NAALADL2: variants seen among roughly 807,000 people sequenced by gnomAD.
The protein encoded by NAALADL2 is N-acetylated alpha-linked acidic dipeptidase like 2.
NAALADL2 carries 76 observed loss-of-function variants against 87.2 expected under a neutral mutation model. The ratio of observed to expected loss-of-function variants is 0.87; its 90% CI spans 0.72 to 1.05. The LOEUF is 1.05. Among genes scored for constraint, NAALADL2 ranks in the 50% least tolerant of loss-of-function variants. The pLI, the probability that NAALADL2 is intolerant of heterozygous loss-of-function variation, is 0.00. For synonymous variants in NAALADL2, 354 were observed against 331.0 expected (o/e 1.07, Z -0.75); for missense variants, 1,089 against 945.8 (o/e 1.15, Z -1.99).
At chr3:174,997,275 A>G (rs558588465) in intron 1 of NAALADL2, among the ~76,000 whole-genome samples, 1 of 152,152 alleles carries the variant, frequency 6.6e-6, no homozygotes, top group East Asian at 1.9e-4. Flanking sequence ...TAGTGGTACT[A>G]ATTTACATTC....
At chr3:174,701,434 A>G (rs146061839) in intron 2 of NAALADL2, among the ~76,000 whole-genome samples, 5 of 152,146 alleles carry the variant, frequency 3.3e-5, no homozygotes, top group Non-Finnish European at 5.9e-5. Context: ...TCATTAGGCT[A>G]TCTTTTTGAA....
At chr3:174,713,333 T>G (rs1357303054) in intron 2 of NAALADL2, among the ~76,000 whole-genome samples, 1 of 152,164 alleles carries the variant, frequency 6.6e-6, no homozygotes, top group Non-Finnish European at 1.5e-5. Flanking sequence ...ATGGGATTGG[T>G]GGGTCAAATG....
In NAALADL2 at chr3:175,203,053, C is replaced by T. The variant is rs146495592; in HGVS notation, c.546-30878C>T. ...CTTTAGAACTTGCCCCAGGCTACCA[C>T]CTCCTAGCTGCAAAAGAAAAAGGCT... On this transcript the variant is annotated intron_variant, in intron 2 of 13. Coordinates refer to ENST00000454872, the MANE Select transcript of NAALADL2 (RefSeq NM_207015.3). 5.3e-5 allele frequency among the ~76,000 whole-genome samples: 8 copies of T among 152,242 alleles called. No homozygotes were observed. In the East Asian group the frequency reaches 1.6e-3, roughly 30 times the overall value.
chr3:175,749,825 G>A (rs1746405918), intron 12 of NAALADL2, among the ~76,000 whole-genome samples: 1 of 152,170 alleles, frequency 6.6e-6, no homozygotes, highest in South Asian at 2.1e-4. Context: ...AGTCGTTACT[G>A]TAGTTAACGG....
chr3:174,917,324 T>G (rs1474294853), intron 1 of NAALADL2, among the ~76,000 whole-genome samples: 1 of 152,148 alleles, frequency 6.6e-6, no homozygotes, highest in Non-Finnish European at 1.5e-5. Flanking sequence ...GCATTGTGAT[T>G]ACTGTGCTTA....
intron 5 of NAALADL2, among the ~76,000 whole-genome samples, chr3:175,390,899 T>A (rs1227795377): frequency 6.6e-6 from 1 of 152,168 alleles, no homozygotes; most frequent in Non-Finnish European, 1.5e-5. Flanking sequence ...TCTGCACCTG[T>A]ACTAAGTAGC....
chr3:175,462,692 C>T (rs569022446), intron 6 of NAALADL2, among the ~76,000 whole-genome samples: 4 of 152,312 alleles, frequency 2.6e-5, no homozygotes, highest in African/African-American at 9.6e-5. Flanking sequence ...TAACACATTT[C>T]ATCTCCAGAG....
intron 3 of NAALADL2, among the ~76,000 whole-genome samples, chr3:175,244,365 C>A (rs966687500): frequency 2.6e-5 from 4 of 151,744 alleles, no homozygotes; most frequent in Non-Finnish European, 5.9e-5. Context: ...AGTCTAGATT[C>A]ACTTTCTCTG....
At chr3:175,165,897 A>C (rs1560109830) in intron 2 of NAALADL2, among the ~76,000 whole-genome samples, 1 of 151,704 alleles carries the variant, frequency 6.6e-6, no homozygotes, top group African/African-American at 2.4e-5. Context: ...TCTTCCTCTT[A>C]TTGTTGTTTG....
intron 2 of NAALADL2, among the ~76,000 whole-genome samples, chr3:174,652,065 A>C (rs1313893573): frequency 6.6e-6 from 1 of 152,200 alleles, no homozygotes; most frequent in Non-Finnish European, 1.5e-5. Context: ...AAAGTTCAGC[A>C]AAGCTGATGG....
Position 175,314,666 on chromosome 3 carries a change from CTATATA to C in NAALADL2, c.940-9458_940-9453del, listed in dbSNP as rs60572633. Among the ~76,000 whole-genome samples the C allele has an allele frequency of 6.7e-3, 206 of 30,636 alleles. 1 individual carries two copies. Among genetic ancestry groups the C allele is most frequent in the Non-Finnish European group, 9.2e-3 (147 of 16,000 alleles). The allele number at this position is 30,636 out of a possible 152,430, so 20.1% of individuals were successfully genotyped here. A position where few individuals can be genotyped will look rare whatever the true frequency, so the allele number is the denominator to read the frequency against. On this transcript the variant is annotated intron_variant, in intron 4 of 13. Transcript: ENST00000454872. The stretch of plus-strand genomic sequence containing the variant: ...CGTTTTCTAGTATATATAGTTCTAA[CTATATA>C]TATATATATATATATATATATATAT...
intron 1 of NAALADL2, among the ~76,000 whole-genome samples, chr3:174,920,887 G>T (rs1397314851): frequency 1.3e-5 from 2 of 152,190 alleles, no homozygotes; most frequent in Non-Finnish European, 2.9e-5. Flanking sequence ...GTGTGTCTGA[G>T]AAGGAGGCCT....
intron 1 of NAALADL2, among the ~76,000 whole-genome samples, chr3:174,964,729 T>G (rs561696206): frequency 6.6e-6 from 1 of 152,174 alleles, no homozygotes; most frequent in African/African-American, 2.4e-5. Context: ...GGCTCATATA[T>G]TCCTCCTGCT....
intron 1 of NAALADL2, among the ~76,000 whole-genome samples, chr3:174,502,553 T>C (rs1052680226): frequency 2.6e-5 from 4 of 152,220 alleles, no homozygotes; most frequent in Non-Finnish European, 4.4e-5. Flanking sequence ...GTGTAATTTT[T>C]ATTAGTCAGT....
At chr3:175,296,636 A>G (rs1404110069) in intron 4 of NAALADL2, among the ~76,000 whole-genome samples, 5 of 152,172 alleles carry the variant, frequency 3.3e-5, no homozygotes, top group African/African-American at 1.2e-4. Context: ...AGATTTATGA[A>G]GAGAAATCTA....
chr3:174,838,287 C>T (rs938744000), intron 3 of NAALADL2, among the ~76,000 whole-genome samples: 1 of 152,072 alleles, frequency 6.6e-6, no homozygotes, highest in Non-Finnish European at 1.5e-5. Context: ...TCGACAAAAT[C>T]CAGCATGACT....
At chr3:175,172,049 A>G (rs1266993416) in intron 2 of NAALADL2, among the ~76,000 whole-genome samples, 1 of 152,132 alleles carries the variant, frequency 6.6e-6, no homozygotes, top group East Asian at 1.9e-4. Context: ...TAAAGTAGCT[A>G]GAAGAGAGGA....
chr3:175,343,575 TCACTGCGCC>T (rs1053954739), intron 5 of NAALADL2, among the ~76,000 whole-genome samples: 2 of 151,762 alleles, frequency 1.3e-5, no homozygotes, highest in Admixed American at 6.6e-5. Context: ...GATTTCTAGT[TCACTGCGCC>T]ACCTGGTCTT....
chr3:175,648,607 G>A (rs1730340258), intron 11 of NAALADL2, among the ~76,000 whole-genome samples: 1 of 151,174 alleles, frequency 6.6e-6, no homozygotes, highest in Non-Finnish European at 1.5e-5. Flanking sequence ...TACTTGGCTA[G>A]CAAATGCTTC....
Sources: gnomAD v4.1 joint callset for allele counts (sites outside exome capture counted in the v4.1 genomes callset) on GRCh38, gnomAD v4.1.1 for gene constraint, MANE v1.5 for transcripts, NCBI Gene and HGNC (gene_info 2026-07-23, HGNC 2026-07-21) for gene names.